RNF149: variants seen among roughly 807,000 people sequenced by gnomAD.
The protein encoded by RNF149 is E3 ubiquitin-protein ligase RNF149.
Under a neutral mutation model 39.0 loss-of-function variants are expected in RNF149, and 21 were observed. That is an observed-to-expected ratio of 0.54 (90% CI 0.38 to 0.77). RNF149 has a LOEUF of 0.77. Among genes scored for constraint, RNF149 ranks in the 30% least tolerant of loss-of-function variants. The pLI is 0.00. For missense variants in RNF149, 493 were observed against 534.9 expected (o/e 0.92, Z 0.77); for synonymous variants, 209 against 213.6 (o/e 0.98, Z 0.19).
chr2:101,286,132 G>A lies in RNF149; in HGVS notation c.909C>T (p.His303=), dbSNP rs1352857503. 6.2e-7 allele frequency: 1 copy of A among 1,612,190 alleles called. No homozygotes were observed. The highest frequency in any genetic ancestry group is 1.3e-5 in the African/African-American group (1 of 74,858). Residue 303 remains histidine (H), a synonymous_variant, in exon 5 of 7, where the codon CAC becomes CAT. Coordinates refer to ENST00000295317, the MANE Select transcript of RNF149 (RefSeq NM_173647.4). Reference sequence around the variant, plus strand: ...CAAGTTTACACATTGGACATGTTCGGTGATCCAAAAGCCATGGGTCAATGC... The same window carrying A: ...CAAGTTTACACATTGGACATGTTCGATGATCCAAAAGCCATGGGTCAATGC... ...RICIDPWLLD[H]RTCPMCKLDV...
In RNF149 at chr2:101,308,206, G is replaced by C. The variant is rs749376678; in HGVS notation, c.383C>G (p.Ala128Gly). 1 of 1,608,560 alleles carries C rather than the reference G, an allele frequency of 6.2e-7. No individual in the cohort carries two copies. Among genetic ancestry groups the C allele is most frequent in the Non-Finnish European group, 8.5e-7 (1 of 1,178,710 alleles). Residue 128 changes from alanine to glycine, a missense_variant, in exon 1 of 7, where the codon GCG becomes GGG. Transcript: ENST00000295317. ...GACGACGGCCGAGGCGTTCCTCCGC[G>C]CCGCCACCAGCACCTTGTCCTTGAA... ...CTFKDKVLVA[A>G]RRNASAVVLY...
intron 3 of RNF149, among the ~76,000 whole-genome samples, chr2:101,291,362 G>C (rs1039383901): frequency 6.6e-6 from 1 of 151,756 alleles, no homozygotes; most frequent in South Asian, 2.1e-4. Context: ...TGTTGGCCAA[G>C]CTGGTCTCGA....
rs538900351 is a variant in RNF149, at chr2:101,301,168, A to G, written c.461-5987T>C. Among the ~76,000 whole-genome samples, 5 of 152,204 alleles carry G rather than the reference A, an allele frequency of 3.3e-5. No homozygotes were observed. The East Asian group carries it at 9.6e-4, about 29-fold the overall frequency. ...TTGACTAAAAAATGTCACCTTGCAC[A>G]ATCCCTCTTCCCCAAAAGAACCTAT... is the stretch of plus-strand genomic sequence containing the variant. On this transcript the variant is annotated intron_variant, in intron 1 of 6. Coordinates refer to ENST00000295317, the MANE Select transcript of RNF149 (RefSeq NM_173647.4).
chr2:101,294,800 A>G, intron 2 of RNF149, 131 bp downstream of exon 2: 1 of 789,302 alleles, frequency 1.3e-6, no homozygotes, highest in Non-Finnish European at 2.0e-6. Flanking sequence ...ACTTCCAAAA[A>G]GTCATGTTGA....
In RNF149 at chr2:101,276,960, T is replaced by TA; in HGVS notation, c.*277dup. 1 of 1,147,552 alleles carries TA rather than the reference T, an allele frequency of 8.7e-7. No individual in the cohort carries two copies. Among genetic ancestry groups the TA allele is most frequent in the Middle Eastern group, 3.9e-4 (1 of 2,550 alleles). 71.1% of individuals were successfully genotyped at this position (1,147,552 alleles called of 1,614,324 possible). On this transcript the variant is annotated 3_prime_UTR_variant, in exon 7 of 7. Transcript: ENST00000295317. ...TTATTTAGAAACACCACCTGTCCTT[T>TA]ATATTAGAGTACCTGCCCCAGTTGT... is the stretch of plus-strand genomic sequence containing the variant.
intron 6 of RNF149, 85 bp from the exon 7 acceptor site, chr2:101,277,366 G>C (rs1682385128): frequency 2.0e-6 from 3 of 1,500,848 alleles, no homozygotes; most frequent in South Asian, 1.3e-5. Context: ...TACTCACTTG[G>C]AGATAATTCA....
Position 101,275,877 on chromosome 2 carries a change from T to C in RNF149, c.*1361A>G, listed in dbSNP as rs1005046732. The stretch of plus-strand genomic sequence containing the variant: ...TTATGGAAACCTACTTGAGGTTGTC[T>C]GCTAAAACCAACTCAGTGTGCAAAG... On this transcript the variant is annotated 3_prime_UTR_variant, in exon 7 of 7. Coordinates refer to ENST00000295317, the MANE Select transcript of RNF149 (RefSeq NM_173647.4). The C allele has an allele frequency of 1.0e-6, 1 of 985,170 alleles. No individual in the cohort carries two copies. The highest frequency in any genetic ancestry group is 1.2e-6 in the Non-Finnish European group (1 of 829,784). The allele number at this position is 985,170 out of a possible 1,614,324, so 61.0% of individuals were successfully genotyped here.
chr2:101,302,743 G>A (rs1381421171), intron 1 of RNF149, among the ~76,000 whole-genome samples: 1 of 152,098 alleles, frequency 6.6e-6, no homozygotes, highest in Non-Finnish European at 1.5e-5. Flanking sequence ...ATTCTGGGAG[G>A]CCGGGGCAGA....
At chr2:101,300,436 A>G (rs1683408497) in intron 1 of RNF149, among the ~76,000 whole-genome samples, 1 of 152,234 alleles carries the variant, frequency 6.6e-6, no homozygotes, top group African/African-American at 2.4e-5. Flanking sequence ...CACAGAAAAC[A>G]CTTGCAATAT....
chr2:101,308,105 G>C (rs761683589), intron 1 of RNF149, 24 bp downstream of exon 1: 9 of 1,602,076 alleles, frequency 5.6e-6, no homozygotes, highest in Non-Finnish European at 7.7e-6. Flanking sequence ...TCCCCCTCCC[G>C]TCCTCGCGCC....
chr2:101,273,166 T>C, downstream of RNF149: 2 of 1,301,124 alleles, frequency 1.5e-6, no homozygotes, highest in Admixed American at 2.3e-5. Flanking sequence ...TCTGGCCCTT[T>C]AGTTTTCTGC....
Position 101,276,714 on chromosome 2 carries a change from T to C in RNF149, c.*524A>G, listed in dbSNP as rs896009012. ...GCTCTCAGGTTTTGAAATCTTCACA[T>C]ACACTACAGATGGGCAAAAAAGCTA... On this transcript the variant is annotated 3_prime_UTR_variant, in exon 7 of 7. Coordinates refer to ENST00000295317, the MANE Select transcript of RNF149 (RefSeq NM_173647.4). 2.0e-6 allele frequency: 2 copies of C among 985,742 alleles called. No individual in the cohort carries two copies. The highest frequency in any genetic ancestry group is 9.4e-5 in the South Asian group (2 of 21,368). 61.1% of individuals were successfully genotyped at this position (985,742 alleles called of 1,614,324 possible). A position where few individuals can be genotyped will look rare whatever the true frequency, so the allele number is the denominator to read the frequency against.
At position 101,276,689 on chromosome 2, in the gene RNF149, GCT is replaced by G; in HGVS notation, c.*547_*548del. 1.0e-6 allele frequency: 1 copy of G among 985,380 alleles called. No homozygotes were observed. The highest frequency in any genetic ancestry group is 1.2e-6 in the Non-Finnish European group (1 of 829,894). The allele number at this position is 985,380 out of a possible 1,614,324, so 61.0% of individuals were successfully genotyped here. On this transcript the variant is annotated 3_prime_UTR_variant, in exon 7 of 7. Coordinates refer to ENST00000295317, the MANE Select transcript of RNF149 (RefSeq NM_173647.4). ...TCATAATTCTAAACAAAGAAAAAGTGCTCTCAGGTTTTGAAATCTTCACATAC... is the reference window on the plus strand; with the variant it reads ...TCATAATTCTAAACAAAGAAAAAGTGCTCAGGTTTTGAAATCTTCACATAC...
In RNF149 at chr2:101,277,208, C is replaced by G. The variant is rs1010633495; in HGVS notation, c.*30G>C. 6.8e-6 allele frequency: 11 copies of G among 1,612,580 alleles called. No individual in the cohort carries two copies. The African/African-American group carries it at 1.3e-4, about 20-fold the overall frequency. ...ATGTCCTTTAGTTCAAGCCAAACTT[C>G]TGTTGGTGCCACTTCAGTGGGCACG... On this transcript the variant is annotated 3_prime_UTR_variant, in exon 7 of 7. Coordinates refer to ENST00000295317, the MANE Select transcript of RNF149 (RefSeq NM_173647.4).
chr2:101,277,388 A>C lies in RNF149; in HGVS notation c.1160-107T>G. On this transcript the variant is annotated intron_variant, in intron 6 of 6. Coordinates refer to ENST00000295317, the MANE Select transcript of RNF149 (RefSeq NM_173647.4). The stretch of plus-strand genomic sequence containing the variant: ...TTGGAGATAATTCAAGATGGTAAAC[A>C]GAAAAAAAAATTTTTTTTGAGACGG... 4.2e-6 allele frequency: 6 copies of C among 1,423,368 alleles called. No individual in the cohort carries two copies. The South Asian group carries it at 9.0e-5, about 21-fold the overall frequency. The allele number at this position is 1,423,368 out of a possible 1,614,324, so 88.2% of individuals were successfully genotyped here.
In RNF149 at chr2:101,308,112, C is replaced by A. The variant is rs1683749096; in HGVS notation, c.460+17G>T. On this transcript the variant is annotated intron_variant, in intron 1 of 6. Transcript: ENST00000295317. The stretch of plus-strand genomic sequence containing the variant: ...CCGCGAAGTCCCCCTCCCGTCCTCG[C>A]GCCCCGGCCTGCTCACCCGCGTGAG... 3.1e-6 allele frequency: 5 copies of A among 1,604,470 alleles called. No homozygotes were observed. Among genetic ancestry groups the A allele is most frequent in the Non-Finnish European group, 3.4e-6 (4 of 1,176,636 alleles).
chr2:101,290,500 T>C (rs1682965578), intron 3 of RNF149, among the ~76,000 whole-genome samples: 1 of 152,198 alleles, frequency 6.6e-6, no homozygotes, highest in Non-Finnish European at 1.5e-5. Context: ...AATGCAAATG[T>C]CTGCTATATT....
chr2:101,302,093 T>C (rs910408838), intron 1 of RNF149, among the ~76,000 whole-genome samples: 1 of 152,262 alleles, frequency 6.6e-6, no homozygotes, highest in Non-Finnish European at 1.5e-5. Context: ...TAAGCTCAAC[T>C]TAAGGCTTTT....
At chr2:101,294,173 T>C (rs552209646) in intron 2 of RNF149, 91 bp from the exon 3 acceptor site, 9 of 712,726 alleles carry the variant, frequency 1.3e-5, no homozygotes, top group African/African-American at 1.1e-4. Flanking sequence ...CACATAAGCA[T>C]ACAGAAAACA....
Sources: gnomAD v4.1 joint callset for allele counts (sites outside exome capture counted in the v4.1 genomes callset) on GRCh38, gnomAD v4.1.1 for gene constraint, MANE v1.5 for transcripts, NCBI Gene and HGNC (gene_info 2026-07-23, HGNC 2026-07-21) for gene names.